LOC128462377: variants seen among roughly 807,000 people sequenced by gnomAD.
chr16:89,324,259 T>C, the LOC128462377 span: 1 of 1,229,166 alleles, frequency 8.1e-7, no homozygotes, highest in Non-Finnish European at 1.0e-6. Context: ...CACTGGGCTG[T>C]GGAACATACA....
At chr16:89,402,128 T>C in the LOC128462377 span, among the ~76,000 whole-genome samples, 1 of 152,162 alleles carries the variant, frequency 6.6e-6, no homozygotes, top group East Asian at 1.9e-4. Flanking sequence ...ATCCTGACTT[T>C]TCCATAAGGC....
chr16:89,333,517 A>T, the LOC128462377 span, among the ~76,000 whole-genome samples: 590 of 151,746 alleles, frequency 3.9e-3, 2 homozygotes, highest in African/African-American at 0.014. Context: ...CTGCTGCACA[A>T]CCCTCCGTCC....
the LOC128462377 span, among the ~76,000 whole-genome samples, chr16:89,318,090 C>A: frequency 1.3e-5 from 2 of 152,226 alleles, no homozygotes; most frequent in African/African-American, 2.4e-5. Context: ...CTTCCCCGAG[C>A]CCCTGCTTCC....
chr16:89,388,868 C>G, the LOC128462377 span, among the ~76,000 whole-genome samples: 1 of 152,202 alleles, frequency 6.6e-6, no homozygotes, highest in South Asian at 2.1e-4. Context: ...CAGCCTGTCT[C>G]ACAAATCCTA....
the LOC128462377 span, among the ~76,000 whole-genome samples, chr16:89,388,012 CAAA>C: frequency 5.3e-5 from 5 of 93,974 alleles, no homozygotes; most frequent in Non-Finnish European, 6.5e-5. Context: ...GACTCCATCT[CAAA>C]AAAAAAAAAA....
the LOC128462377 span, among the ~76,000 whole-genome samples, chr16:89,407,668 T>TAAAC: frequency 1.3e-5 from 2 of 150,704 alleles, no homozygotes; most frequent in African/African-American, 4.9e-5. Flanking sequence ...CAAACACACA[T>TAAAC]ACACACACAC....
the LOC128462377 span, among the ~76,000 whole-genome samples, chr16:89,415,261 C>CT: frequency 0.021 from 1,775 of 84,512 alleles, 55 homozygotes; most frequent in Non-Finnish European, 0.022. Context: ...GCCAGCTATT[C>CT]TTTTTTTTTT....
chr16:89,382,299 G>A, the LOC128462377 span, among the ~76,000 whole-genome samples: 1 of 151,382 alleles, frequency 6.6e-6, no homozygotes, highest in Non-Finnish European at 1.5e-5. Flanking sequence ...AAACTAGACA[G>A]CCAGGCACCC....
the LOC128462377 span, among the ~76,000 whole-genome samples, chr16:89,402,770 G>A: frequency 2.1e-5 from 3 of 142,732 alleles, no homozygotes; most frequent in Admixed American, 2.1e-4. Flanking sequence ...TGAGGTGAGG[G>A]GACAGCTCTG....
the LOC128462377 span, chr16:89,317,049 C>A: frequency 1.2e-6 from 2 of 1,603,358 alleles, no homozygotes; most frequent in Non-Finnish European, 1.7e-6. Flanking sequence ...TCTTCATTTA[C>A]ACGGCCGGCG....
At chr16:89,390,047 A>G in the LOC128462377 span, among the ~76,000 whole-genome samples, 5 of 50,810 alleles carry the variant, frequency 9.8e-5, no homozygotes, top group Admixed American at 2.1e-4. Context: ...CACCGAGAGA[A>G]AGAAGATCAC....
chr16:89,335,145 C>T, the LOC128462377 span, among the ~76,000 whole-genome samples: 24 of 152,210 alleles, frequency 1.6e-4, no homozygotes, highest in African/African-American at 5.8e-4. Context: ...TGCCCCATGT[C>T]CGGCCTGTGG....
chr16:89,370,431 G>T, the LOC128462377 span, among the ~76,000 whole-genome samples: 1 of 152,142 alleles, frequency 6.6e-6, no homozygotes, highest in Non-Finnish European at 1.5e-5. Context: ...CCCTCCTGCC[G>T]TTATCCAGGG....
the LOC128462377 span, among the ~76,000 whole-genome samples, chr16:89,349,277 C>T: frequency 6.6e-6 from 1 of 151,672 alleles, no homozygotes; most frequent in Non-Finnish European, 1.5e-5. Flanking sequence ...GCCTGTAATC[C>T]CAGCACTTTG....
chr16:89,318,620 G>A, the LOC128462377 span, among the ~76,000 whole-genome samples: 36 of 152,332 alleles, frequency 2.4e-4, no homozygotes, highest in African/African-American at 7.9e-4. Flanking sequence ...GTCAGCTAAA[G>A]GATACGTTGC....
At chr16:89,415,836 A>AAAAAAAAAAAAAAAAC in the LOC128462377 span, among the ~76,000 whole-genome samples, 1 of 141,098 alleles carries the variant, frequency 7.1e-6, no homozygotes, top group African/African-American at 2.7e-5. Flanking sequence ...TCTCAAAAAA[A>AAAAAAAAAAAAAAAAC]AAAAAAAAAA....
the LOC128462377 span, among the ~76,000 whole-genome samples, chr16:89,390,789 C>CT: frequency 6.6e-6 from 1 of 152,168 alleles, no homozygotes; most frequent in Non-Finnish European, 1.5e-5. Flanking sequence ...TTGTCTAACT[C>CT]TGGGGAGGAG....
the LOC128462377 span, among the ~76,000 whole-genome samples, chr16:89,326,697 G>C: frequency 6.6e-6 from 1 of 152,118 alleles, no homozygotes; most frequent in Admixed American, 6.5e-5. Context: ...AGCTAAGATT[G>C]CACCACTGCA....
At chr16:89,350,357 T>G in the LOC128462377 span, among the ~76,000 whole-genome samples, 15 of 152,210 alleles carry the variant, frequency 9.9e-5, no homozygotes, top group African/African-American at 3.6e-4. Flanking sequence ...CATCTGATGC[T>G]TTGCATGCAA....
Sources: gnomAD v4.1 joint callset for allele counts (sites outside exome capture counted in the v4.1 genomes callset) on GRCh38, gnomAD v4.1.1 for gene constraint, MANE v1.5 for transcripts.